Variants in PCCA observed in about 807,000 individuals in gnomAD.
The protein encoded by PCCA is propionyl-CoA carboxylase alpha chain, mitochondrial.
PCCA carries 74 observed loss-of-function variants against 101.3 expected under a neutral mutation model. The ratio of observed to expected loss-of-function variants is 0.73; its 90% CI spans 0.61 to 0.89. PCCA has a LOEUF of 0.89. PCCA is among the 40% of genes least tolerant of loss of function. The pLI is 0.00. For synonymous variants in PCCA, 294 were observed against 313.6 expected, an observed-to-expected ratio of 0.94 and a Z score of 0.66; for missense variants, 891 against 907.0, an observed-to-expected ratio of 0.98 and a Z score of 0.23.
chr13:100,348,040 G>A (rs1018822202), intron 18 of PCCA, among the ~76,000 whole-genome samples: 21 of 152,152 alleles, frequency 1.4e-4, no homozygotes, highest in African/African-American at 4.3e-4. Flanking sequence ...GCTGATGTAC[G>A]GTGTTTGAAC....
At chr13:100,327,781 T>G (rs1009105801) in intron 16 of PCCA, among the ~76,000 whole-genome samples, 1 of 152,246 alleles carries the variant, frequency 6.6e-6, no homozygotes, top group African/African-American at 2.4e-5. Context: ...GGCATCTCAT[T>G]GTGTTTCTTT....
At chr13:100,106,258 ATGTT>A (rs1024411347) in intron 2 of PCCA, among the ~76,000 whole-genome samples, 40 of 152,316 alleles carry the variant, frequency 2.6e-4, no homozygotes, top group African/African-American at 9.6e-4. Flanking sequence ...GTCTTAATAA[ATGTT>A]TGTATGTGTG....
At chr13:100,175,300 G>A (rs895665210) in intron 6 of PCCA, among the ~76,000 whole-genome samples, 2 of 152,016 alleles carry the variant, frequency 1.3e-5, no homozygotes, top group African/African-American at 4.8e-5. Flanking sequence ...GATCCTATTT[G>A]CTCTCTTAGG....
intron 8 of PCCA, among the ~76,000 whole-genome samples, chr13:100,244,698 C>T (rs2061336615): frequency 6.6e-6 from 1 of 151,892 alleles, no homozygotes; most frequent in Non-Finnish European, 1.5e-5. Flanking sequence ...ATCCCTGGAG[C>T]AGAGTTAGGG....
intron 20 of PCCA, among the ~76,000 whole-genome samples, chr13:100,446,442 G>T (rs1397234889): frequency 1.3e-5 from 2 of 152,068 alleles, no homozygotes; most frequent in African/African-American, 4.8e-5. Context: ...ATAATACTTT[G>T]TACATTTTGT....
intron 21 of PCCA, among the ~76,000 whole-genome samples, chr13:100,514,877 A>C (rs944284172): frequency 6.6e-6 from 1 of 152,236 alleles, no homozygotes; most frequent in Non-Finnish European, 1.5e-5. Context: ...TCATGAATAT[A>C]ACATTTTCTG....
intron 4 of PCCA, among the ~76,000 whole-genome samples, chr13:100,125,053 C>T (rs1266034528): frequency 1.3e-5 from 2 of 151,954 alleles, no homozygotes; most frequent in African/African-American, 4.8e-5. Flanking sequence ...ATCACTGATC[C>T]TCAAATAGGA....
chr13:100,354,679 C>G (rs2073775325), intron 18 of PCCA, among the ~76,000 whole-genome samples: 1 of 152,016 alleles, frequency 6.6e-6, no homozygotes, highest in Non-Finnish European at 1.5e-5. Context: ...ACTGACCTTA[C>G]AGAAATTAAA....
At chr13:100,294,942 T>C (rs537503307) in intron 12 of PCCA, among the ~76,000 whole-genome samples, 27 of 151,996 alleles carry the variant, frequency 1.8e-4, no homozygotes, top group African/African-American at 6.5e-4. Flanking sequence ...AGTCCAACTC[T>C]TTTTTTTGTT....
intron 18 of PCCA, among the ~76,000 whole-genome samples, chr13:100,351,895 T>C (rs1307609991): frequency 6.6e-6 from 1 of 152,128 alleles, no homozygotes; most frequent in East Asian, 1.9e-4. Context: ...CCTGTGATAT[T>C]TGGAAAATAC....
At chr13:100,266,946 C>T (rs1033903415) in intron 10 of PCCA, among the ~76,000 whole-genome samples, 3 of 152,174 alleles carry the variant, frequency 2.0e-5, no homozygotes, top group African/African-American at 7.2e-5. Context: ...GGATTAACTT[C>T]CCTTAAAAGC....
intron 6 of PCCA, among the ~76,000 whole-genome samples, chr13:100,164,403 G>A (rs1594473821): frequency 6.6e-6 from 1 of 152,222 alleles, no homozygotes; most frequent in Admixed American, 6.5e-5. Context: ...TAGAGTGATA[G>A]CAGGTTGTTT....
chr13:100,463,343 T>TTG (rs1272870669), intron 21 of PCCA, among the ~76,000 whole-genome samples: 3 of 148,304 alleles, frequency 2.0e-5, no homozygotes, highest in African/African-American at 7.4e-5. Context: ...GTGGTTTTTT[T>TTG]TTTTTTTTTT....
chr13:100,214,607 T>C (rs1332276170), intron 7 of PCCA, among the ~76,000 whole-genome samples: 1 of 152,022 alleles, frequency 6.6e-6, no homozygotes, highest in Non-Finnish European at 1.5e-5. Context: ...GCTTTGTTTT[T>C]AGTAGAGACG....
intron 7 of PCCA, among the ~76,000 whole-genome samples, chr13:100,217,252 C>G (rs1417813944): frequency 1.3e-5 from 2 of 152,010 alleles, no homozygotes; most frequent in African/African-American, 4.8e-5. Context: ...CGAGACCAGC[C>G]TGGCCAGCAT....
intron 23 of PCCA, among the ~76,000 whole-genome samples, 188 bp from the exon 24 acceptor site, chr13:100,529,910 G>A (rs1454930198): frequency 6.6e-6 from 1 of 152,064 alleles, no homozygotes; most frequent in Non-Finnish European, 1.5e-5. Context: ...CCACGGCCAC[G>A]GCCACCATGG....
intron 12 of PCCA, among the ~76,000 whole-genome samples, chr13:100,296,283 C>G (rs2065515413): frequency 6.6e-6 from 1 of 151,808 alleles, no homozygotes; most frequent in Non-Finnish European, 1.5e-5. Flanking sequence ...TCCCATTTCC[C>G]AGACTGGAGT....
chr13:100,198,310 ATTC>A (rs1003151972), intron 6 of PCCA: 2 of 152,244 alleles, frequency 1.3e-5, no homozygotes, highest in African/African-American at 2.4e-5. Flanking sequence ...CAATGGGAAC[ATTC>A]TTCTTCTTTG....
intron 4 of PCCA, among the ~76,000 whole-genome samples, chr13:100,142,591 A>G (rs1379230207): frequency 6.6e-6 from 1 of 150,794 alleles, no homozygotes. Context: ...CTCCTACCTC[A>G]GCCTCCCGAG....
Sources: allele counts gnomAD v4.1 joint callset (sites outside exome capture counted in the v4.1 genomes callset), GRCh38; gene constraint gnomAD v4.1.1; transcripts MANE v1.5; gene names NCBI Gene and HGNC (gene_info 2026-07-23, HGNC 2026-07-21).